SLX4IP: variants seen among roughly 807,000 people sequenced by gnomAD.
SLX4IP encodes the protein protein SLX4IP.
In SLX4IP, 34 loss-of-function variants were observed where a neutral mutation model predicts 32.9. That is an observed-to-expected ratio of 1.03 (90% CI 0.79 to 1.38). SLX4IP has a LOEUF of 1.38. Ranked by LOEUF, SLX4IP falls within the 40% of genes most tolerant of loss-of-function variation. The pLI is 0.00. For missense variants in SLX4IP, 444 were observed against 479.0 expected, an observed-to-expected ratio of 0.93 and a Z score of 0.68; for synonymous variants, 172 against 171.7, an observed-to-expected ratio of 1.00 and a Z score of -0.01.
chr20:10,584,212 G>A (rs768796344), intron 4 of SLX4IP, among the ~76,000 whole-genome samples: 10 of 152,046 alleles, frequency 6.6e-5, no homozygotes, highest in Non-Finnish European at 1.0e-4. Flanking sequence ...GCATGAGACC[G>A]GTTCATTTAA....
At chr20:10,518,369 C>CTTCCTT (rs1184907592) in intron 2 of SLX4IP, among the ~76,000 whole-genome samples, 5 of 99,210 alleles carry the variant, frequency 5.0e-5, no homozygotes, top group Non-Finnish European at 1.1e-4. Flanking sequence ...CTTTCTTTCT[C>CTTCCTT]TCTCTCTTTC....
Position 10,518,474 on chromosome 20 carries a change from T to TCCC in SLX4IP, c.28-37757_28-37756insCCC, listed in dbSNP as rs1399455441. On this transcript the variant is annotated intron_variant, in intron 2 of 7. Transcript: ENST00000334534. Reference sequence around the variant, plus strand: ...TCCTTCCTTCCTTCCTTTCCTTTCTTTTCCTTTCCTTTCCTTTTCCTTCCT... The same window carrying TCCC: ...TCCTTCCTTCCTTCCTTTCCTTTCTTCCCTTCCTTTCCTTTCCTTTTCCTTCCT... Among the ~76,000 whole-genome samples the TCCC allele has an allele frequency of 2.3e-3, 116 of 50,932 alleles. 2 individuals are homozygous for TCCC. The highest frequency in any genetic ancestry group is 3.2e-3 in the Non-Finnish European group (63 of 19,718). The allele number at this position is 50,932 out of a possible 152,430, so 33.4% of individuals were successfully genotyped here. A position where few individuals can be genotyped will look rare whatever the true frequency, so the allele number is the denominator to read the frequency against.
intron 2 of SLX4IP, among the ~76,000 whole-genome samples, chr20:10,543,726 C>T (rs1292400871): frequency 6.6e-6 from 1 of 152,144 alleles, no homozygotes; most frequent in African/African-American, 2.4e-5. Context: ...CATGAACTGA[C>T]CATTGGGCTT....
chr20:10,476,566 T>C (rs1271762348), intron 2 of SLX4IP, among the ~76,000 whole-genome samples: 5 of 152,220 alleles, frequency 3.3e-5, no homozygotes, highest in Non-Finnish European at 7.3e-5. Flanking sequence ...TCAGTTCCTA[T>C]GCCGCGTGTG....
chr20:10,449,732 A>G (rs1208530097), intron 1 of SLX4IP, among the ~76,000 whole-genome samples: 2 of 152,220 alleles, frequency 1.3e-5, no homozygotes, highest in East Asian at 3.8e-4. Context: ...AGAGTGTGTT[A>G]TGATATTAAA....
intron 6 of SLX4IP, among the ~76,000 whole-genome samples, chr20:10,617,652 C>CTT (rs549525000): frequency 0.054 from 6,140 of 112,706 alleles, 266 homozygotes; most frequent in African/African-American, 0.067. Flanking sequence ...TTCTTTCTTT[C>CTT]TTTTTTTTTT....
At chr20:10,436,570 G>A (rs2065117532) in intron 1 of SLX4IP, among the ~76,000 whole-genome samples, 1 of 152,148 alleles carries the variant, frequency 6.6e-6, no homozygotes, top group African/African-American at 2.4e-5. Context: ...TGGCCGGGTT[G>A]TTCTCGAACT....
intron 2 of SLX4IP, among the ~76,000 whole-genome samples, chr20:10,458,707 G>T (rs1455119128): frequency 6.6e-6 from 1 of 152,050 alleles, no homozygotes; most frequent in Non-Finnish European, 1.5e-5. Context: ...CCTTTTTATG[G>T]CTGCTTAGTA....
At chr20:10,485,659 A>G (rs529501780) in intron 2 of SLX4IP, among the ~76,000 whole-genome samples, 4 of 152,146 alleles carry the variant, frequency 2.6e-5, no homozygotes, top group African/African-American at 7.2e-5. Flanking sequence ...GACTCCCCCA[A>G]AACTTAACTA....
At chr20:10,520,101 G>T (rs2065889580) in intron 2 of SLX4IP, among the ~76,000 whole-genome samples, 1 of 151,716 alleles carries the variant, frequency 6.6e-6, no homozygotes, top group Admixed American at 6.6e-5. Context: ...GGCCAGGCTG[G>T]AGTGCAGTGG....
chr20:10,509,053 T>C (rs936407214), intron 2 of SLX4IP, among the ~76,000 whole-genome samples: 1 of 152,228 alleles, frequency 6.6e-6, no homozygotes, highest in African/African-American at 2.4e-5. Context: ...TTAGTAGCTC[T>C]GTGATGGGTT....
chr20:10,523,881 T>G (rs1371608248), intron 2 of SLX4IP, among the ~76,000 whole-genome samples: 4 of 152,268 alleles, frequency 2.6e-5, no homozygotes, highest in Non-Finnish European at 5.9e-5. Context: ...TCTATTAAAT[T>G]CATTTTTTTA....
chr20:10,600,216 C>G (rs960616284), intron 5 of SLX4IP, among the ~76,000 whole-genome samples: 18 of 152,274 alleles, frequency 1.2e-4, no homozygotes, highest in Middle Eastern at 3.4e-3. Flanking sequence ...AAATCCACCT[C>G]TAGTCACCTA....
intron 4 of SLX4IP, among the ~76,000 whole-genome samples, chr20:10,573,133 G>A (rs2066485511): frequency 1.3e-5 from 2 of 152,140 alleles, no homozygotes; most frequent in Admixed American, 1.3e-4. Context: ...CGGCATCCCC[G>A]CGAGTGCAAA....
chr20:10,521,888 G>A (rs993452638), intron 2 of SLX4IP, among the ~76,000 whole-genome samples: 3 of 152,224 alleles, frequency 2.0e-5, no homozygotes, highest in African/African-American at 7.2e-5. Context: ...CACACTGTGA[G>A]CCATAAGAAG....
At chr20:10,441,287 T>C (rs1002470413) in intron 1 of SLX4IP, among the ~76,000 whole-genome samples, 16 of 152,064 alleles carry the variant, frequency 1.1e-4, no homozygotes, top group African/African-American at 3.6e-4. Flanking sequence ...AATACAAAAA[T>C]TAGCTGGGCA....
chr20:10,548,835 C>T lies in SLX4IP; in HGVS notation c.28-7396C>T, dbSNP rs546584493. On this transcript the variant is annotated intron_variant, in intron 2 of 7. Transcript: ENST00000334534. ...CTTGACACCAAGTCTGGCACACAAG[C>T]GCTCCATGAATCTTATTGTTATTGC... is the stretch of plus-strand genomic sequence containing the variant. Among the ~76,000 whole-genome samples, 38 of 152,306 alleles carry T rather than the reference C, an allele frequency of 2.5e-4. 1 individual carries two copies. The highest frequency in any genetic ancestry group is 9.1e-4 in the African/African-American group (38 of 41,556).
chr20:10,562,839 G>A (rs776797663), intron 4 of SLX4IP, among the ~76,000 whole-genome samples: 1 of 152,082 alleles, frequency 6.6e-6, no homozygotes, highest in African/African-American at 2.4e-5. Context: ...GATTGATTCC[G>A]TTATCTTAGC....
At chr20:10,454,832 CA>C (rs1369799608) in intron 1 of SLX4IP, among the ~76,000 whole-genome samples, 1 of 152,128 alleles carries the variant, frequency 6.6e-6, no homozygotes, top group Admixed American at 6.5e-5. Flanking sequence ...AACTATTGTG[CA>C]AAGTGGCTAC....
Sources: allele counts gnomAD v4.1 joint callset (sites outside exome capture counted in the v4.1 genomes callset), GRCh38; gene constraint gnomAD v4.1.1; transcripts MANE v1.5; gene names NCBI Gene and HGNC (gene_info 2026-07-23, HGNC 2026-07-21).